Variants in MOB3B observed in about 807,000 individuals in gnomAD.
The protein encoded by MOB3B is MOB kinase activator-like 2B.
Under a neutral mutation model 18.7 loss-of-function variants are expected in MOB3B, and 7 were observed. The ratio of observed to expected loss-of-function variants is 0.37; its 90% confidence interval spans 0.21 to 0.70. The LOEUF is 0.70. Ranked by LOEUF, MOB3B falls within the 30% of genes least tolerant of loss-of-function variation. MOB3B has a pLI of 0.52. For synonymous variants in MOB3B, 111 were observed against 99.9 expected (o/e 1.11, Z -0.66); for missense variants, 253 against 281.3 (o/e 0.90, Z 0.72).
chr9:27,460,302 A>G (rs1442998424), intron 1 of MOB3B, among the ~76,000 whole-genome samples: 1 of 152,214 alleles, frequency 6.6e-6, no homozygotes, highest in African/African-American at 2.4e-5. Flanking sequence ...AAACTGACAG[A>G]AGTTCCATGT....
At chr9:27,345,656 A>C (rs147050297) in intron 3 of MOB3B, among the ~76,000 whole-genome samples, 49 of 152,320 alleles carry the variant, frequency 3.2e-4, no homozygotes, top group African/African-American at 1.2e-3. Flanking sequence ...CTTCTGATCC[A>C]TAGTCATCAA....
intron 2 of MOB3B, among the ~76,000 whole-genome samples, chr9:27,428,873 C>A (rs1315409948): frequency 2.6e-5 from 4 of 152,186 alleles, no homozygotes; most frequent in African/African-American, 4.8e-5. Flanking sequence ...GTCCTGGAAG[C>A]TTTACCAAAG....
At chr9:27,413,763 T>C (rs116466333) in intron 2 of MOB3B, among the ~76,000 whole-genome samples, 83 of 152,286 alleles carry the variant, frequency 5.5e-4, no homozygotes, top group African/African-American at 1.9e-3. Flanking sequence ...AGGAAAGTAT[T>C]AAGGATTTTT....
chr9:27,497,859 A>G (rs1819923196), intron 1 of MOB3B, among the ~76,000 whole-genome samples: 1 of 152,204 alleles, frequency 6.6e-6, no homozygotes, highest in South Asian at 2.1e-4. Flanking sequence ...AACTACCTCC[A>G]GTTTCTATTA....
chr9:27,347,345 C>G (rs928376623), intron 3 of MOB3B, among the ~76,000 whole-genome samples: 3 of 152,202 alleles, frequency 2.0e-5, no homozygotes, highest in African/African-American at 7.2e-5. Flanking sequence ...AAAGTAAGAC[C>G]TTTCATATGC....
At chr9:27,433,730 A>G (rs562386097) in intron 2 of MOB3B, among the ~76,000 whole-genome samples, 4 of 152,280 alleles carry the variant, frequency 2.6e-5, no homozygotes, top group East Asian at 1.9e-4. Context: ...CTTTCCATGC[A>G]TATTGAAGGT....
At chr9:27,461,612 G>T (rs1342457526) in intron 1 of MOB3B, among the ~76,000 whole-genome samples, 1 of 152,238 alleles carries the variant, frequency 6.6e-6, no homozygotes, top group South Asian at 2.1e-4. Context: ...CCGTACAGAA[G>T]TCTGTCACAG....
intron 3 of MOB3B, among the ~76,000 whole-genome samples, chr9:27,337,668 G>A (rs1026468094): frequency 1.3e-5 from 2 of 152,172 alleles, no homozygotes; most frequent in African/African-American, 2.4e-5. Flanking sequence ...CAAGGGATTC[G>A]GGTTCTCAGC....
At chr9:27,508,135 T>C (rs1403839637) in intron 1 of MOB3B, among the ~76,000 whole-genome samples, 1 of 152,198 alleles carries the variant, frequency 6.6e-6, no homozygotes, top group African/African-American at 2.4e-5. Context: ...TTCTCTGTGA[T>C]ACGTACTCAG....
intron 1 of MOB3B, among the ~76,000 whole-genome samples, chr9:27,507,042 C>T (rs923620454): frequency 6.6e-6 from 1 of 152,068 alleles, no homozygotes; most frequent in Admixed American, 6.5e-5. Context: ...GACAAACAAG[C>T]AAAATTATTT....
intron 3 of MOB3B, among the ~76,000 whole-genome samples, chr9:27,334,862 C>A (rs1009060468): frequency 6.6e-6 from 1 of 151,530 alleles, no homozygotes; most frequent in African/African-American, 2.4e-5. Flanking sequence ...TCGCTTTGTT[C>A]CCCCAGGCTG....
chr9:27,381,370 C>A (rs954635104), intron 2 of MOB3B, among the ~76,000 whole-genome samples: 12 of 152,020 alleles, frequency 7.9e-5, no homozygotes, highest in Non-Finnish European at 1.0e-4. Flanking sequence ...CTGCTAAAGA[C>A]TTAACACATC....
At chr9:27,479,151 G>T (rs1006586798) in intron 1 of MOB3B, among the ~76,000 whole-genome samples, 4 of 152,128 alleles carry the variant, frequency 2.6e-5, no homozygotes, top group African/African-American at 9.7e-5. Context: ...TTTCCTCACA[G>T]GTCTGGAGGC....
At chr9:27,467,511 T>C (rs376152118) in intron 1 of MOB3B, among the ~76,000 whole-genome samples, 1 of 152,250 alleles carries the variant, frequency 6.6e-6, no homozygotes, top group Non-Finnish European at 1.5e-5. Context: ...CCTAAGCACA[T>C]GACCCTCAAA....
intron 1 of MOB3B, among the ~76,000 whole-genome samples, chr9:27,501,674 A>G (rs1819993388): frequency 6.6e-6 from 1 of 151,356 alleles, no homozygotes; most frequent in Non-Finnish European, 1.5e-5. Flanking sequence ...GGGTGAGGCA[A>G]GTGAATCACT....
intron 2 of MOB3B, chr9:27,397,187 C>T (rs1821813187): frequency 6.6e-6 from 1 of 152,016 alleles, no homozygotes; most frequent in Non-Finnish European, 1.5e-5. Context: ...AGAGAAATGC[C>T]TCATACTATT....
intron 2 of MOB3B, chr9:27,378,764 T>A: frequency 2.2e-6 from 1 of 445,068 alleles, no homozygotes; most frequent in South Asian, 1.7e-5. Context: ...GAAATGAAGG[T>A]CTTATCACAC....
rs369137827 is a variant in MOB3B, at chr9:27,335,626, C to T, written c.622-5010G>A. Among the ~76,000 whole-genome samples the T allele has an allele frequency of 1.2e-3, 179 of 152,268 alleles. 1 individual carries two copies. Among genetic ancestry groups the T allele is most frequent in the African/African-American group, 4.0e-3 (167 of 41,540 alleles). On this transcript the variant is annotated intron_variant, in intron 3 of 3. Coordinates refer to ENST00000262244, the MANE Select transcript of MOB3B (RefSeq NM_024761.5). ...CTCAACCTCATCCCCCATCGGTGGC[C>T]GACGCTCCTTCTCTCCCATGGAACA...
At chr9:27,355,797 C>T (rs1216531610) in intron 3 of MOB3B, among the ~76,000 whole-genome samples, 1 of 152,042 alleles carries the variant, frequency 6.6e-6, no homozygotes, top group Non-Finnish European at 1.5e-5. Flanking sequence ...CTCCTGACCT[C>T]GTGATCTGCC....
Sources: allele counts gnomAD v4.1 joint callset (sites outside exome capture counted in the v4.1 genomes callset), GRCh38; gene constraint gnomAD v4.1.1; transcripts MANE v1.5; gene names NCBI Gene and HGNC (gene_info 2026-07-23, HGNC 2026-07-21).